SOX13: variants seen among roughly 807,000 people sequenced by gnomAD.
SOX13 encodes SRY-box transcription factor 13.
In SOX13, 28 loss-of-function variants were observed where a neutral mutation model predicts 71.8. The ratio of observed to expected loss-of-function variants is 0.39; its 90% CI spans 0.29 to 0.53. SOX13 has a LOEUF of 0.53. Ranked by LOEUF, SOX13 falls within the 20% of genes least tolerant of loss-of-function variation. SOX13 has a pLI of 0.70. For synonymous variants in SOX13, 309 were observed against 317.8 expected, an observed-to-expected ratio of 0.97 and a Z score of 0.29; for missense variants, 627 against 810.3, an observed-to-expected ratio of 0.77 and a Z score of 2.75.
chr1:204,083,191 G>A (rs1381724254), intron 1 of SOX13, among the ~76,000 whole-genome samples: 1 of 152,148 alleles, frequency 6.6e-6, no homozygotes, highest in East Asian at 1.9e-4. Flanking sequence ...GTGTTGGTGT[G>A]TTTGGCAGTT....
In SOX13 at chr1:204,081,369, A is replaced by T. The variant is rs140242387; in HGVS notation, c.-2+7658A>T. Among the ~76,000 whole-genome samples the T allele has an allele frequency of 2.0e-5, 3 of 152,256 alleles. No individual in the cohort carries two copies. The highest frequency in any genetic ancestry group is 1.5e-5 in the Non-Finnish European group (1 of 68,044). On this transcript the variant is annotated intron_variant, in intron 1 of 13. Transcript: ENST00000367204. This position sits in a 1 kb window ranked among gnomAD's most constrained non-coding sequence, Gnocchi z 4.3. ...TTCCAGATAGTGAAACAGAAATGTC[A>T]TCAGTGTTTGTTTCCACGGAAGACC...
Position 204,124,678 on chromosome 1 carries a change from G to A in SOX13, c.1413G>A (p.Gln471=), listed in dbSNP as rs200197766. The A allele has an allele frequency of 8.7e-6, 14 of 1,613,452 alleles. 1 individual carries two copies. The African/African-American group carries it at 1.6e-4, about 18-fold the overall frequency. ...RWKSMTNQEK[Q]PYYEEQARLS... is the part of the protein sequence containing the mutation. ...AGTCCATGACCAACCAGGAGAAGCA[G>A]CCCTACTATGAGGAACAGGCGCGGC... Residue 471 remains glutamine, a synonymous_variant, in exon 13 of 14, where the codon CAG becomes CAA. Coordinates refer to ENST00000367204, the MANE Select transcript of SOX13 (RefSeq NM_005686.3).
chr1:204,114,259 C>A, intron 2 of SOX13, 62 bp from the exon 3 acceptor site: 1 of 1,146,146 alleles, frequency 8.7e-7, no homozygotes, highest in Non-Finnish European at 1.3e-6. Flanking sequence ...GGGTGCCCAG[C>A]CCTCCCTGCA....
rs1244139672 is a variant in SOX13 at position 204,126,341 on chromosome 1, G to A, written c.*207G>A. 4.9e-6 allele frequency: 3 copies of A among 617,710 alleles called. No individual in the cohort carries two copies. Among genetic ancestry groups the A allele is most frequent in the East Asian group, 2.8e-5 (1 of 35,932 alleles). 38.3% of individuals were successfully genotyped at this position (617,710 alleles called of 1,614,324 possible). ...CTGTTGGCCTGGGTGGGCAGGAACT[G>A]CAGTATGGCCATGGGCTGAGCAGGC... On this transcript the variant is annotated 3_prime_UTR_variant, in exon 14 of 14. Coordinates refer to ENST00000367204, the MANE Select transcript of SOX13 (RefSeq NM_005686.3).
At chr1:204,082,646 A>G (rs1043775469) in intron 1 of SOX13, among the ~76,000 whole-genome samples, 1 of 152,130 alleles carries the variant, frequency 6.6e-6, no homozygotes, top group Non-Finnish European at 1.5e-5. Context: ...AGGTAGAGAA[A>G]GACCCAATGG....
At chr1:204,114,651 C>T (rs1462342227) in intron 4 of SOX13, 46 bp downstream of exon 4, 2 of 1,446,534 alleles carry the variant, frequency 1.4e-6, no homozygotes, top group Non-Finnish European at 1.9e-6. Context: ...CCCCATCTCT[C>T]TTCTCCTGGT....
intron 1 of SOX13, among the ~76,000 whole-genome samples, chr1:204,104,598 C>A (rs1656425693): frequency 6.6e-6 from 1 of 152,238 alleles, no homozygotes; most frequent in Non-Finnish European, 1.5e-5. Context: ...AGCCCTGCCC[C>A]ACCCCTGCTG....
intron 1 of SOX13, among the ~76,000 whole-genome samples, chr1:204,080,236 G>A (rs1655874882): frequency 6.6e-6 from 1 of 152,210 alleles, no homozygotes; most frequent in South Asian, 2.1e-4. Context: ...GGTGGCCTTA[G>A]CATTTAAATA....
intron 1 of SOX13, among the ~76,000 whole-genome samples, chr1:204,105,049 A>G (rs1297529454): frequency 6.6e-6 from 1 of 151,898 alleles, no homozygotes; most frequent in East Asian, 1.9e-4. Flanking sequence ...TGTGGGGAGG[A>G]GAGAGGAAGA....
rs562110220 is a variant in SOX13 at position 204,104,262 on chromosome 1, C to T, written c.-1-8653C>T. On this transcript the variant is annotated intron_variant, in intron 1 of 13. Coordinates refer to ENST00000367204, the MANE Select transcript of SOX13 (RefSeq NM_005686.3). ...CAGCCGAGGGAGTGTTGGCTGTGGC[C>T]CCCCTGAGCTGGGCTAGACCAGACC... Among the ~76,000 whole-genome samples the T allele has an allele frequency of 1.4e-4, 21 of 152,264 alleles. No individual in the cohort carries two copies. In the South Asian group the frequency reaches 3.1e-3, roughly 23 times the overall value.
Position 204,081,652 on chromosome 1 carries a change from T to C in SOX13, c.-2+7941T>C, listed in dbSNP as rs1571564224. ...CTGCCCTCACACTGACTTAAAAGCA[T>C]TAACTCTTGCCTGGCCACACAAGGC... On this transcript the variant is annotated intron_variant, in intron 1 of 13. Coordinates refer to ENST00000367204, the MANE Select transcript of SOX13 (RefSeq NM_005686.3). This position sits in a 1 kb window ranked among gnomAD's most constrained non-coding sequence, Gnocchi z 4.3. 6.6e-6 allele frequency among the ~76,000 whole-genome samples: 1 copy of C among 152,266 alleles called. No homozygotes were observed. Among genetic ancestry groups the C allele is most frequent in the East Asian group, 1.9e-4 (1 of 5,170 alleles).
chr1:204,124,927 G>A, intron 13 of SOX13, 70 bp downstream of exon 13: 1 of 1,162,222 alleles, frequency 8.6e-7, no homozygotes, highest in Non-Finnish European at 1.3e-6. Flanking sequence ...GTGGCTGGGT[G>A]TCAGTGTGTG....
At chr1:204,110,338 A>C (rs1656555255) in intron 1 of SOX13, among the ~76,000 whole-genome samples, 1 of 140,866 alleles carries the variant, frequency 7.1e-6, no homozygotes, top group South Asian at 2.6e-4. Flanking sequence ...TATGTTGCTC[A>C]TGCTAATGGG....
Position 204,126,524 on chromosome 1 carries a change from G to GC in SOX13, c.*390_*391insC. 16 of 252,216 alleles carry GC rather than the reference G, an allele frequency of 6.3e-5. No individual in the cohort carries two copies. Among genetic ancestry groups the GC allele is most frequent in the Non-Finnish European group, 1.0e-4 (13 of 129,200 alleles). The allele number at this position is 252,216 out of a possible 1,614,324, so 15.6% of individuals were successfully genotyped here. ...TGTCCTGGCTGGACCAGCCACTGTG[G>GC]GACCAACACCCCTCCCACACTCCCC... On this transcript the variant is annotated 3_prime_UTR_variant, in exon 14 of 14. Coordinates refer to ENST00000367204, the MANE Select transcript of SOX13 (RefSeq NM_005686.3).
At chr1:204,082,074 G>A (rs1256897717) in intron 1 of SOX13, among the ~76,000 whole-genome samples, 27 of 151,184 alleles carry the variant, frequency 1.8e-4, no homozygotes, top group Admixed American at 1.8e-3. Context: ...GTGGTGGGGT[G>A]TGTGTGGGGG....
chr1:204,074,990 G>A (rs1378648584), intron 1 of SOX13, among the ~76,000 whole-genome samples: 1 of 152,098 alleles, frequency 6.6e-6, no homozygotes, highest in Non-Finnish European at 1.5e-5. Flanking sequence ...AAGACGGCCA[G>A]AGACGATGCT....
At chr1:204,074,704 G>T (rs563240735) in intron 1 of SOX13, among the ~76,000 whole-genome samples, 4 of 152,312 alleles carry the variant, frequency 2.6e-5, no homozygotes, top group Non-Finnish European at 5.9e-5. Context: ...AGTACCGGGC[G>T]GGGCGGTGAG....
intron 1 of SOX13, among the ~76,000 whole-genome samples, chr1:204,083,261 T>C (rs1456745369): frequency 6.6e-6 from 1 of 152,106 alleles, no homozygotes; most frequent in Admixed American, 6.5e-5. Flanking sequence ...CTTGGGCCAA[T>C]TGGCCACAGG....
intron 7 of SOX13, 88 bp downstream of exon 7, chr1:204,117,795 T>A (rs1295442545): frequency 1.2e-6 from 1 of 811,682 alleles, no homozygotes; most frequent in Non-Finnish European, 2.1e-6. Context: ...ATCCATTAAT[T>A]TGCTATGTGG....
Sources: allele counts gnomAD v4.1 joint callset (sites outside exome capture counted in the v4.1 genomes callset), GRCh38; gene constraint gnomAD v4.1.1; non-coding constraint Gnocchi (gnomAD v3.1); transcripts MANE v1.5; gene names NCBI Gene and HGNC (gene_info 2026-07-23, HGNC 2026-07-21).